The following AP3B1 variants were observed in gnomAD, a reference collection of about 807,000 sequenced individuals.
The protein encoded by AP3B1 is adaptor related protein complex 3 subunit beta 1, also known as AP-3 complex subunit beta-1.
AP3B1 carries 61 observed loss-of-function variants against 132.5 expected under a neutral mutation model. The observed-to-expected ratio is 0.46, with a 90% CI of 0.37 to 0.57. The LOEUF (loss-of-function observed/expected upper bound fraction) is 0.57, where lower values mean the gene tolerates loss of function less well. AP3B1 is among the 20% of genes least tolerant of loss of function. The pLI is 0.00. For missense variants in AP3B1, 1,120 were observed against 1,289.4 expected (o/e 0.87, Z 2.01); for synonymous variants, 388 against 438.3 (o/e 0.89, Z 1.43).
intron 8 of AP3B1, among the ~76,000 whole-genome samples, chr5:78,178,550 G>A (rs1210957099): frequency 6.6e-6 from 1 of 152,106 alleles, no homozygotes; most frequent in African/African-American, 2.4e-5. Flanking sequence ...GAACCCAGGA[G>A]GTAGAGGTTG....
In AP3B1 at chr5:78,143,839, C is replaced by T. The variant is rs147098939; in HGVS notation, c.1474-2520G>A. 3.3e-3 allele frequency among the ~76,000 whole-genome samples: 506 copies of T among 152,030 alleles called. 4 individuals carry two copies. The highest frequency in any genetic ancestry group is 0.012 in the African/African-American group (490 of 41,476). On this transcript the variant is annotated intron_variant, in intron 14 of 26. Coordinates refer to ENST00000255194, the MANE Select transcript of AP3B1 (RefSeq NM_003664.5). ...GACCAGCCTGGCCAACATGGTGATA[C>T]CCTGTCTCTACTAAATATACAAAAT...
chr5:78,003,032 CT>C lies in AP3B1; in HGVS notation c.3154del (p.Ser1052ValfsTer4), dbSNP rs1746249107. 2 of 1,614,090 alleles carry C rather than the reference CT, an allele frequency of 1.2e-6. No homozygotes were observed. The highest frequency in any genetic ancestry group is 3.3e-5 in the Admixed American group (2 of 60,008). On this transcript the variant is annotated frameshift_variant, in exon 27 of 27. Transcript: ENST00000255194. LOFTEE classifies it high-confidence loss of function. ...IHRFAAKTVH[S>X]GSLMLVTVEL... ...CACTGTGACTAGCATCAATGACCCACTGTGCACAGTTTTAGCTGCAAACCTG... is the reference window on the plus strand; with the variant it reads ...CACTGTGACTAGCATCAATGACCCACGTGCACAGTTTTAGCTGCAAACCTG...
intron 22 of AP3B1, among the ~76,000 whole-genome samples, chr5:78,077,832 T>A (rs1323404404): frequency 6.6e-6 from 1 of 152,220 alleles, no homozygotes; most frequent in Non-Finnish European, 1.5e-5. Context: ...CATTAATGAT[T>A]TGACTATTTC....
chr5:78,132,358 A>G (rs1403914803), intron 15 of AP3B1, among the ~76,000 whole-genome samples: 1 of 152,212 alleles, frequency 6.6e-6, no homozygotes, highest in East Asian at 1.9e-4. Flanking sequence ...GACAGAATAA[A>G]CTTCCAAAAG....
At chr5:78,215,867 C>T (rs1745939142) in intron 7 of AP3B1, among the ~76,000 whole-genome samples, 188 bp downstream of exon 7, 1 of 152,136 alleles carries the variant, frequency 6.6e-6, no homozygotes, top group Non-Finnish European at 1.5e-5. Context: ...CAATCAGTGC[C>T]AAAATAATGG....
chr5:78,032,834 C>T (rs1003416487), intron 24 of AP3B1, among the ~76,000 whole-genome samples: 3 of 151,836 alleles, frequency 2.0e-5, no homozygotes, highest in Non-Finnish European at 2.9e-5. Context: ...GAATTATTTT[C>T]CTAATGTTAG....
In AP3B1 at chr5:78,089,329, T is replaced by G. The variant is rs1210883369; in HGVS notation, c.2577+64A>C. ...AGAATCCACTTCAAGTATTTACATT[T>G]TAATAAAAAAGATACAATGGCAACA... is the stretch of plus-strand genomic sequence containing the variant. On this transcript the variant is annotated intron_variant, in intron 22 of 26. Transcript: ENST00000255194. 2.5e-6 allele frequency: 3 copies of G among 1,212,150 alleles called. No individual in the cohort carries two copies. In the East Asian group the frequency reaches 7.4e-5, roughly 30 times the overall value. The allele number at this position is 1,212,150 out of a possible 1,614,324, so 75.1% of individuals were successfully genotyped here. A position where few individuals can be genotyped will look rare whatever the true frequency, so the allele number is the denominator to read the frequency against.
intron 20 of AP3B1, among the ~76,000 whole-genome samples, chr5:78,104,775 T>C (rs1751266580): frequency 6.6e-6 from 1 of 152,148 alleles, no homozygotes; most frequent in Admixed American, 6.5e-5. Flanking sequence ...TTACTGACAT[T>C]CAGACACCAG....
At chr5:78,138,100 G>A (rs188469837) in intron 15 of AP3B1, among the ~76,000 whole-genome samples, 5 of 152,154 alleles carry the variant, frequency 3.3e-5, no homozygotes, top group African/African-American at 1.2e-4. Context: ...ATTTTAGTCT[G>A]TCTTATATCT....
chr5:78,128,614 T>A (rs1213728501), intron 16 of AP3B1, among the ~76,000 whole-genome samples: 1 of 152,088 alleles, frequency 6.6e-6, no homozygotes, highest in Non-Finnish European at 1.5e-5. Context: ...AATGGCTACT[T>A]GTAAGGTGGT....
chr5:78,040,505 A>G (rs1748030768), intron 22 of AP3B1, among the ~76,000 whole-genome samples: 1 of 152,072 alleles, frequency 6.6e-6, no homozygotes, highest in Admixed American at 6.5e-5. Flanking sequence ...TTACCCTTCT[A>G]TTGAACATTA....
chr5:78,039,012 G>T (rs1195120994), intron 23 of AP3B1, 31 bp downstream of exon 23: 1 of 1,328,342 alleles, frequency 7.5e-7, no homozygotes. Flanking sequence ...ATCAAATATA[G>T]TTAAGGTTTT....
At chr5:78,228,871 C>T (rs1362974846) in intron 3 of AP3B1, among the ~76,000 whole-genome samples, 1 of 152,214 alleles carries the variant, frequency 6.6e-6, no homozygotes, top group Non-Finnish European at 1.5e-5. Flanking sequence ...ACTATGAATA[C>T]CAATTTAACG....
At chr5:78,105,433 A>G (rs950144875) in intron 20 of AP3B1, among the ~76,000 whole-genome samples, 1 of 152,174 alleles carries the variant, frequency 6.6e-6, no homozygotes, top group Non-Finnish European at 1.5e-5. Context: ...AATTTTAACT[A>G]CAAGCAGAAT....
chr5:78,107,187 T>G (rs1037813362), intron 20 of AP3B1, among the ~76,000 whole-genome samples: 1 of 151,906 alleles, frequency 6.6e-6, no homozygotes, highest in Non-Finnish European at 1.5e-5. Flanking sequence ...GAATGAAAGG[T>G]CAAAAAAGTA....
chr5:78,206,933 C>T (rs1745528525), intron 7 of AP3B1, among the ~76,000 whole-genome samples: 1 of 151,932 alleles, frequency 6.6e-6, no homozygotes, highest in African/African-American at 2.4e-5. Flanking sequence ...ATCAGCCTAG[C>T]CAACATGGCG....
intron 1 of AP3B1, among the ~76,000 whole-genome samples, chr5:78,283,254 G>A (rs947541945): frequency 1.3e-5 from 2 of 152,104 alleles, no homozygotes; most frequent in African/African-American, 4.8e-5. Flanking sequence ...GCCACATTTT[G>A]ACACCCAGGA....
chr5:78,138,984 A>G (rs1580396897), intron 15 of AP3B1, among the ~76,000 whole-genome samples: 1 of 150,644 alleles, frequency 6.6e-6, no homozygotes. Context: ...AAAAAAAAAA[A>G]AAAAAACACT....
chr5:78,095,370 AAT>A (rs1189445956), intron 21 of AP3B1, among the ~76,000 whole-genome samples: 2 of 152,236 alleles, frequency 1.3e-5, no homozygotes, highest in Non-Finnish European at 2.9e-5. Context: ...TTTCAAGATT[AAT>A]CTAATTCTCA....
Sources: gnomAD v4.1 joint callset for allele counts (sites outside exome capture counted in the v4.1 genomes callset) on GRCh38, gnomAD v4.1.1 for gene constraint, MANE v1.5 for transcripts, NCBI Gene and HGNC (gene_info 2026-07-23, HGNC 2026-07-21) for gene names.